Variants in LRP2BP observed in about 807,000 individuals in gnomAD.
LRP2BP encodes LRP2 binding protein.
Under a neutral mutation model 45.2 loss-of-function variants are expected in LRP2BP, and 38 were observed. That is an observed-to-expected ratio of 0.84 (90% CI 0.65 to 1.10). The LOEUF (loss-of-function observed/expected upper bound fraction) is 1.10, where lower values mean the gene tolerates loss of function less well. Among genes scored for constraint, LRP2BP ranks in the 50% least tolerant of loss-of-function variants. The pLI, the probability that LRP2BP is intolerant of heterozygous loss-of-function variation, is 0.00. For synonymous variants in LRP2BP, 153 were observed against 153.9 expected (o/e 0.99, Z 0.04); for missense variants, 385 against 418.9 (o/e 0.92, Z 0.71).
chr4:185,373,845 T>G (rs1349556626), intron 6 of LRP2BP, among the ~76,000 whole-genome samples: 2 of 152,248 alleles, frequency 1.3e-5, no homozygotes, highest in East Asian at 3.8e-4. Flanking sequence ...TATTCATCTG[T>G]TCATGCTTAG....
intron 1 of LRP2BP, among the ~76,000 whole-genome samples, chr4:185,389,417 G>A (rs1010449796): frequency 8.6e-5 from 13 of 150,852 alleles, no homozygotes; most frequent in African/African-American, 3.2e-4. Flanking sequence ...TCACTATGTT[G>A]GCCAGACTCG....
rs771831576 is a variant in LRP2BP at position 185,373,072 on chromosome 4, TA to T, written c.586del (p.Tyr196ThrfsTer39). 1 of 1,604,568 alleles carries T rather than the reference TA, an allele frequency of 6.2e-7. No individual in the cohort carries two copies. Among genetic ancestry groups the T allele is most frequent in the Non-Finnish European group, 8.5e-7 (1 of 1,171,942 alleles). On this transcript the variant is annotated frameshift_variant, in exon 7 of 9. Coordinates refer to ENST00000505916, the MANE Select transcript of LRP2BP (RefSeq NM_001377440.1). LOFTEE classifies it high-confidence loss of function. ...ATTGCCACATGCTTCGGAATGCCAG[TA>T]AAATGCCTAAGAAAAGCACAGTTTC... ...KEPKELEKAFYWHSEACGNGN... is the reference protein window; with the variant it reads ...KEPKELEKAFXWHSEACGNGN...
intron 1 of LRP2BP, among the ~76,000 whole-genome samples, chr4:185,382,995 G>A (rs1206275656): frequency 6.6e-6 from 1 of 152,146 alleles, no homozygotes; most frequent in Non-Finnish European, 1.5e-5. Context: ...TTCTGTGTAT[G>A]AGGGAAAGGT....
chr4:185,395,633 A>G lies in LRP2BP; in HGVS notation c.-876T>C. The stretch of plus-strand genomic sequence containing the variant: ...CATTTATATTCAAATATTCATATGA[A>G]TAAAAATGCTTAAAACTACCCCTTG... On this transcript the variant is annotated 5_prime_UTR_variant, in exon 1 of 9. Transcript: ENST00000505916. 1 of 983,378 alleles carries G rather than the reference A, an allele frequency of 1.0e-6. No homozygotes were observed. 60.9% of individuals were successfully genotyped at this position (983,378 alleles called of 1,614,324 possible).
In LRP2BP at chr4:185,377,027, A is replaced by T. The variant is rs769914484; in HGVS notation, c.107-9T>A. On this transcript the variant is annotated splice_polypyrimidine_tract_variant and intron_variant, in intron 2 of 8. Coordinates refer to ENST00000505916, the MANE Select transcript of LRP2BP (RefSeq NM_001377440.1). ...ATTAGCATGGGTGTAATCTGATTTT[A>T]AAAAGGTAAGGAATTCCATCAACCA... 3.2e-6 allele frequency: 5 copies of T among 1,580,796 alleles called. No homozygotes were observed. The highest frequency in any genetic ancestry group is 4.3e-6 in the Non-Finnish European group (5 of 1,149,780).
intron 1 of LRP2BP, chr4:185,378,892 A>G (rs1579995028): frequency 8.1e-6 from 8 of 985,442 alleles, no homozygotes; most frequent in African/African-American, 3.5e-5. Flanking sequence ...ACTTTCACCA[A>G]TCAGAAACAA....
Position 185,373,082 on chromosome 4 carries a change from A to G in LRP2BP, c.580-3T>C, listed in dbSNP as rs1251951407. ...GCTTCGGAATGCCAGTAAAATGCCTAAGAAAAGCACAGTTTCATCATTGTA... is the reference window on the plus strand; with the variant it reads ...GCTTCGGAATGCCAGTAAAATGCCTGAGAAAAGCACAGTTTCATCATTGTA... On this transcript the variant is annotated splice_polypyrimidine_tract_variant and splice_region_variant and intron_variant, in intron 6 of 8. Transcript: ENST00000505916. 1 of 1,603,272 alleles carries G rather than the reference A, an allele frequency of 6.2e-7. No homozygotes were observed. The highest frequency in any genetic ancestry group is 2.2e-5 in the East Asian group (1 of 44,496).
intron 3 of LRP2BP, among the ~76,000 whole-genome samples, chr4:185,376,443 CTTTTTTTTTT>C (rs34024562): frequency 1.9e-5 from 2 of 105,824 alleles, no homozygotes; most frequent in Admixed American, 1.1e-4. Flanking sequence ...TGCCCAGCTA[CTTTTTTTTTT>C]TTTTTTTTTT....
intron 4 of LRP2BP, 97 bp downstream of exon 4, chr4:185,375,516 G>GTATATATATGTATA (rs2095434018): frequency 1.1e-4 from 5 of 46,698 alleles, no homozygotes; most frequent in Non-Finnish European, 1.5e-4. Flanking sequence ...ATATATATAT[G>GTATATATATGTATA]TATATATATA....
Position 185,366,140 on chromosome 4 carries a change from G to C in LRP2BP, c.*1040C>G, listed in dbSNP as rs538071234. 52 of 152,300 alleles carry C rather than the reference G, an allele frequency of 3.4e-4. No homozygotes were observed. Among genetic ancestry groups the C allele is most frequent in the Admixed American group, 1.0e-3 (16 of 15,294 alleles). 9.4% of individuals were successfully genotyped at this position (152,300 alleles called of 1,614,324 possible). On this transcript the variant is annotated 3_prime_UTR_variant, in exon 9 of 9. Transcript: ENST00000505916. ...AGACCTGTCTTCGATATGTATATTT[G>C]TTTCACAAATGAATAGCCTTGTACA...
At chr4:185,395,956 C>G (rs1019754736), upstream of LRP2BP, 8 of 962,278 alleles carry the variant, frequency 8.3e-6, no homozygotes, top group Non-Finnish European at 9.9e-6. Flanking sequence ...TAGCTGCCAT[C>G]GGAAGTCAGG....
Position 185,375,518 on chromosome 4 carries a change from A to G in LRP2BP, c.330+95T>C, listed in dbSNP as rs61122402. On this transcript the variant is annotated intron_variant, in intron 4 of 8. Transcript: ENST00000505916. ...TATATATATATATATATATATATGT[A>G]TATATATATGTATTAAAATATAAAT... 6.8e-4 allele frequency: 86 copies of G among 126,914 alleles called. 3 individuals carry two copies. The East Asian group carries it at 0.013, about 18-fold the overall frequency. The allele number at this position is 126,914 out of a possible 1,614,324, so 7.9% of individuals were successfully genotyped here. A position where few individuals can be genotyped will look rare whatever the true frequency, so the allele number is the denominator to read the frequency against.
intron 8 of LRP2BP, among the ~76,000 whole-genome samples, chr4:185,368,830 G>C (rs1249522795): frequency 2.1e-5 from 3 of 145,780 alleles, no homozygotes; most frequent in Non-Finnish European, 4.5e-5. Context: ...GTCTCACTGT[G>C]TTGCCCAGGC....
At chr4:185,369,049 C>T (rs2095404429) in intron 8 of LRP2BP, among the ~76,000 whole-genome samples, 2 of 152,020 alleles carry the variant, frequency 1.3e-5, no homozygotes, top group South Asian at 4.2e-4. Flanking sequence ...CCACCTCGGC[C>T]TCCCAAAGTG....
Position 185,376,955 on chromosome 4 carries a change from C to G in LRP2BP, c.170G>C (p.Gly57Ala). ...TCGTAGGAAATATGCCAGAGTGTCT[C>G]CTTTCAGTATTCTTTCCTTCAAGAG... is the stretch of plus-strand genomic sequence containing the variant. ...LQLLKERILKGDTLAYFLRGQ... is the reference protein window; with the variant it reads ...LQLLKERILKADTLAYFLRGQ... The change falls in exon 3 of 9, where the codon GGA becomes GCA. Residue 57 changes from glycine (G) to alanine (A), a missense_variant. Transcript: ENST00000505916. 6.2e-7 allele frequency: 1 copy of G among 1,613,972 alleles called. No individual in the cohort carries two copies. Among genetic ancestry groups the G allele is most frequent in the South Asian group, 1.1e-5 (1 of 91,078 alleles).
chr4:185,367,102 A>T lies in LRP2BP; in HGVS notation c.*78T>A. The T allele has an allele frequency of 8.0e-7, 1 of 1,243,732 alleles. No individual in the cohort carries two copies. The highest frequency in any genetic ancestry group is 1.2e-6 in the Non-Finnish European group (1 of 859,000). 77.0% of individuals were successfully genotyped at this position (1,243,732 alleles called of 1,614,324 possible). A position where few individuals can be genotyped will look rare whatever the true frequency, so the allele number is the denominator to read the frequency against. On this transcript the variant is annotated 3_prime_UTR_variant, in exon 9 of 9. Transcript: ENST00000505916. ...TAGTGTAATTTGTGATGTGCAAAAT[A>T]ACCAAACATAGCTACTGTAAAAATA...
upstream of LRP2BP, chr4:185,396,916 G>A (rs368996821): frequency 8.1e-6 from 13 of 1,613,434 alleles, no homozygotes; most frequent in Middle Eastern, 1.7e-4. Flanking sequence ...ATCTGCCTTA[G>A]GCGGGAAATG....
chr4:185,382,519 G>T (rs558726442), intron 1 of LRP2BP, among the ~76,000 whole-genome samples: 11 of 152,304 alleles, frequency 7.2e-5, no homozygotes, highest in African/African-American at 2.4e-4. Context: ...ACCAACACCT[G>T]TTGTTGCCTA....
intron 8 of LRP2BP, chr4:185,369,839 C>T (rs964631114): frequency 1.2e-5 from 5 of 414,514 alleles, no homozygotes; most frequent in African/African-American, 8.4e-5. Context: ...GTAAAAGATC[C>T]TCGGGTGATT....
Sources: allele counts gnomAD v4.1 joint callset (sites outside exome capture counted in the v4.1 genomes callset), GRCh38; gene constraint gnomAD v4.1.1; transcripts MANE v1.5; gene names NCBI Gene and HGNC (gene_info 2026-07-23, HGNC 2026-07-21).